Variants in SLC44A5 observed in about 807,000 individuals in gnomAD.
SLC44A5 encodes solute carrier family 44 member 5.
In SLC44A5, 57 loss-of-function variants were observed where a neutral mutation model predicts 101.8. The ratio of observed to expected loss-of-function variants is 0.56; its 90% CI spans 0.45 to 0.70. The LOEUF is 0.70. SLC44A5 is among the 30% of genes least tolerant of loss of function. The pLI is 0.00. For missense variants in SLC44A5, 737 were observed against 853.1 expected (o/e 0.86, Z 1.70); for synonymous variants, 281 against 290.9 (o/e 0.97, Z 0.35).
intron 2 of SLC44A5, among the ~76,000 whole-genome samples, chr1:75,462,300 A>G (rs74089260): frequency 0.34 from 51,328 of 152,108 alleles, 8,739 homozygotes; most frequent in Middle Eastern, 0.4. Context: ...GCACCTCTAC[A>G]CGTCTGCAAG....
At chr1:75,519,892 A>G (rs1670026220) in intron 2 of SLC44A5, among the ~76,000 whole-genome samples, 1 of 152,246 alleles carries the variant, frequency 6.6e-6, no homozygotes, top group East Asian at 1.9e-4. Flanking sequence ...GCCAATGGCC[A>G]TTTCCCTTTA....
intron 1 of SLC44A5, among the ~76,000 whole-genome samples, chr1:75,548,473 AT>A (rs997095267): frequency 1.3e-4 from 19 of 151,740 alleles, no homozygotes; most frequent in Non-Finnish European, 2.4e-4. Flanking sequence ...AATATTACTA[AT>A]TTTTTTTTAT....
chr1:75,522,787 T>TA (rs1437966050), intron 2 of SLC44A5, among the ~76,000 whole-genome samples: 1 of 152,212 alleles, frequency 6.6e-6, no homozygotes, highest in East Asian at 1.9e-4. Flanking sequence ...TTCTGTGACT[T>TA]AAATTGTACT....
At chr1:75,579,442 A>G (rs1233302756) in intron 1 of SLC44A5, among the ~76,000 whole-genome samples, 1 of 152,250 alleles carries the variant, frequency 6.6e-6, no homozygotes, top group Non-Finnish European at 1.5e-5. Flanking sequence ...GACTGTCTCC[A>G]TAAATAAATA....
intron 7 of SLC44A5, 81 bp downstream of exon 7, chr1:75,251,129 A>C: frequency 9.0e-7 from 1 of 1,105,904 alleles, no homozygotes; most frequent in South Asian, 1.3e-5. Flanking sequence ...CACACAGAGA[A>C]CTCAAATGGA....
chr1:75,650,786 ATT>A, the SLC44A5 span, among the ~76,000 whole-genome samples: 14,149 of 152,108 alleles, frequency 0.093, 858 homozygotes, highest in East Asian at 0.25. Flanking sequence ...CACCCAGCTA[ATT>A]TTTTTGTTTT....
At chr1:75,297,962 A>AAAC (rs140199054) in intron 5 of SLC44A5, among the ~76,000 whole-genome samples, 7 of 152,228 alleles carry the variant, frequency 4.6e-5, no homozygotes, top group Middle Eastern at 3.4e-3. Context: ...AACAAAACAA[A>AAAC]AACAACAACA....
chr1:75,515,369 A>C (rs1478516849), intron 2 of SLC44A5, among the ~76,000 whole-genome samples: 7 of 148,140 alleles, frequency 4.7e-5, no homozygotes, highest in Admixed American at 1.4e-4. Flanking sequence ...GATAGATGTC[A>C]AAAAAAAAAG....
At chr1:75,650,175 G>T in the SLC44A5 span, among the ~76,000 whole-genome samples, 7 of 152,020 alleles carry the variant, frequency 4.6e-5, no homozygotes, top group Non-Finnish European at 7.4e-5. Context: ...AGCGTACATT[G>T]TACCCATAGG....
At chr1:75,672,586 T>C in the SLC44A5 span, among the ~76,000 whole-genome samples, 1 of 152,144 alleles carries the variant, frequency 6.6e-6, no homozygotes, top group African/African-American at 2.4e-5. Context: ...TCAGTATACT[T>C]GAAGTGCATG....
chr1:75,653,499 T>C, the SLC44A5 span, among the ~76,000 whole-genome samples: 1 of 151,962 alleles, frequency 6.6e-6, no homozygotes, highest in East Asian at 1.9e-4. Context: ...AAGAAAATAA[T>C]GACTCATGAG....
intron 3 of SLC44A5, among the ~76,000 whole-genome samples, chr1:75,371,137 T>G (rs1262918375): frequency 6.6e-6 from 1 of 152,230 alleles, no homozygotes; most frequent in African/African-American, 2.4e-5. Context: ...TCTCCATCTC[T>G]TTACGTGCAG....
chr1:75,315,057 T>G (rs540726145), intron 4 of SLC44A5, among the ~76,000 whole-genome samples: 164 of 152,254 alleles, frequency 1.1e-3, no homozygotes, highest in Non-Finnish European at 1.5e-3. Flanking sequence ...ACTCCCCACT[T>G]ACCACCACAA....
chr1:75,509,687 T>G (rs1669459527), intron 2 of SLC44A5, among the ~76,000 whole-genome samples: 1 of 152,192 alleles, frequency 6.6e-6, no homozygotes, highest in African/African-American at 2.4e-5. Context: ...GGAATTTTAT[T>G]TATTGAATGC....
chr1:75,561,824 A>G (rs1212639928), intron 1 of SLC44A5, among the ~76,000 whole-genome samples: 2 of 152,154 alleles, frequency 1.3e-5, no homozygotes, highest in African/African-American at 4.8e-5. Context: ...GTAATTTACC[A>G]TAGAGTGACA....
chr1:75,630,250 T>C, the SLC44A5 span, among the ~76,000 whole-genome samples: 1 of 152,180 alleles, frequency 6.6e-6, no homozygotes, highest in African/African-American at 2.4e-5. Flanking sequence ...GTCTGCCTCT[T>C]TTCTGTCTGC....
chr1:75,356,798 T>C (rs1410837925), intron 3 of SLC44A5, among the ~76,000 whole-genome samples: 2 of 152,192 alleles, frequency 1.3e-5, no homozygotes, highest in African/African-American at 4.8e-5. Flanking sequence ...AGTTTTACTG[T>C]ACCTTTTCTA....
At chr1:75,543,594 A>AAT (rs66888418) in intron 1 of SLC44A5, among the ~76,000 whole-genome samples, 330 of 145,564 alleles carry the variant, frequency 2.3e-3, no homozygotes, top group African/African-American at 7.4e-3. Flanking sequence ...TATATAAATA[A>AAT]ATATATATAT....
the SLC44A5 span, among the ~76,000 whole-genome samples, chr1:75,649,384 T>C: frequency 2.0e-5 from 3 of 152,172 alleles, no homozygotes; most frequent in Non-Finnish European, 4.4e-5. Flanking sequence ...GATAATGGAT[T>C]GGACAGTGAT....
Sources: allele counts gnomAD v4.1 joint callset (sites outside exome capture counted in the v4.1 genomes callset), GRCh38; gene constraint gnomAD v4.1.1; transcripts MANE v1.5; gene names NCBI Gene and HGNC (gene_info 2026-07-23, HGNC 2026-07-21).